Variants in CDH13 observed in about 807,000 individuals in gnomAD.
CDH13 encodes cadherin-13.
CDH13 carries 24 observed loss-of-function variants against 63.8 expected under a neutral mutation model. The observed-to-expected ratio is 0.38, with a 90% CI of 0.27 to 0.53. CDH13 has a LOEUF of 0.53. Among genes scored for constraint, CDH13 ranks in the 20% least tolerant of loss-of-function variants. The pLI is 0.85. For synonymous variants in CDH13, 503 were observed against 355.3 expected (o/e 1.42, Z -4.67); for missense variants, 1,049 against 903.1 (o/e 1.16, Z -2.07).
chr16:82,732,998 T>C (rs2033480787), intron 1 of CDH13, among the ~76,000 whole-genome samples: 1 of 152,232 alleles, frequency 6.6e-6, no homozygotes. Context: ...CATTTGTTTT[T>C]CTGCTTTCTC....
chr16:83,180,452 C>T (rs762074866), intron 4 of CDH13, among the ~76,000 whole-genome samples: 3 of 152,038 alleles, frequency 2.0e-5, no homozygotes, highest in Non-Finnish European at 4.4e-5. Context: ...AGGAATGGAA[C>T]CAATTTAAAT....
At chr16:83,250,592 C>A (rs1905405574) in intron 5 of CDH13, among the ~76,000 whole-genome samples, 1 of 152,038 alleles carries the variant, frequency 6.6e-6, no homozygotes. Context: ...GTCGAGGGAA[C>A]AGTTTGGAGA....
intron 2 of CDH13, among the ~76,000 whole-genome samples, chr16:82,890,368 AT>A (rs2151220343): frequency 6.6e-6 from 1 of 152,288 alleles, no homozygotes; most frequent in South Asian, 2.1e-4. Flanking sequence ...ACTCACCACC[AT>A]CTCCAGCCTC....
chr16:83,241,957 GTA>G (rs1904495371), intron 5 of CDH13, among the ~76,000 whole-genome samples: 1 of 152,110 alleles, frequency 6.6e-6, no homozygotes, highest in African/African-American at 2.4e-5. Flanking sequence ...ACTAGCAGTT[GTA>G]TAGTTTTAGG....
intron 3 of CDH13, among the ~76,000 whole-genome samples, chr16:83,053,851 C>T (rs945371290): frequency 2.6e-5 from 4 of 152,104 alleles, no homozygotes; most frequent in Admixed American, 6.5e-5. Flanking sequence ...TTCGAGACCC[C>T]GACCGGGTAC....
At chr16:82,657,613 G>C (rs1458952955) in intron 1 of CDH13, among the ~76,000 whole-genome samples, 1 of 152,178 alleles carries the variant, frequency 6.6e-6, no homozygotes, top group Non-Finnish European at 1.5e-5. Context: ...TGGAGAAAGA[G>C]AGACTACTGT....
intron 4 of CDH13, among the ~76,000 whole-genome samples, chr16:83,152,658 A>G (rs1462818182): frequency 2.0e-5 from 3 of 152,234 alleles, no homozygotes; most frequent in African/African-American, 7.2e-5. Flanking sequence ...ATATGGGACT[A>G]TAGGCAAAAG....
chr16:83,348,186 T>C (rs1482823788), intron 6 of CDH13, among the ~76,000 whole-genome samples: 1 of 152,070 alleles, frequency 6.6e-6, no homozygotes, highest in Non-Finnish European at 1.5e-5. Context: ...AAAGACTCCA[T>C]CTAGGAAAAA....
At chr16:83,241,713 C>T (rs1235437004) in intron 5 of CDH13, among the ~76,000 whole-genome samples, 2 of 152,022 alleles carry the variant, frequency 1.3e-5, no homozygotes, top group African/African-American at 4.8e-5. Flanking sequence ...TGGGGAAGTT[C>T]TTTATATTTT....
intron 2 of CDH13, among the ~76,000 whole-genome samples, chr16:82,941,396 C>T (rs1195182660): frequency 6.6e-6 from 1 of 152,128 alleles, no homozygotes; most frequent in African/African-American, 2.4e-5. Flanking sequence ...TGGAATTTCA[C>T]GGGGGTGGGT....
chr16:83,216,545 TG>T (rs1028794616), intron 4 of CDH13, among the ~76,000 whole-genome samples: 11 of 141,296 alleles, frequency 7.8e-5, no homozygotes, highest in Non-Finnish European at 1.7e-4. Context: ...ATATATATAA[TG>T]GGGTTTAATA....
At chr16:83,788,111 A>G (rs1487651639) in intron 13 of CDH13, among the ~76,000 whole-genome samples, 1 of 152,222 alleles carries the variant, frequency 6.6e-6, no homozygotes, top group African/African-American at 2.4e-5. Flanking sequence ...GTGTACCCAG[A>G]AAGTAGACAA....
chr16:82,816,698 A>G (rs1359464174), intron 1 of CDH13, among the ~76,000 whole-genome samples: 2 of 144,934 alleles, frequency 1.4e-5, no homozygotes, highest in African/African-American at 5.0e-5. Context: ...AACTTCAAAA[A>G]CGAAGATGTG....
At chr16:83,133,906 C>G (rs1254322272) in intron 4 of CDH13, among the ~76,000 whole-genome samples, 1 of 152,196 alleles carries the variant, frequency 6.6e-6, no homozygotes, top group African/African-American at 2.4e-5. Context: ...AACTGTAATT[C>G]ATCAGATGCG....
intron 8 of CDH13, among the ~76,000 whole-genome samples, chr16:83,625,234 G>C (rs1253912180): frequency 6.6e-6 from 1 of 152,048 alleles, no homozygotes; most frequent in Non-Finnish European, 1.5e-5. Context: ...GTCTATGTGT[G>C]TGTGTGTGTA....
At chr16:83,724,068 A>C (rs1910042852) in intron 10 of CDH13, among the ~76,000 whole-genome samples, 1 of 151,450 alleles carries the variant, frequency 6.6e-6, no homozygotes, top group South Asian at 2.1e-4. Context: ...GTGAGTGATG[A>C]ATGCATGGGT....
At chr16:82,920,657 G>T (rs2042126267) in intron 2 of CDH13, among the ~76,000 whole-genome samples, 1 of 152,142 alleles carries the variant, frequency 6.6e-6, no homozygotes, top group African/African-American at 2.4e-5. Flanking sequence ...GAGACTATCA[G>T]GGGTATTAGG....
chr16:83,693,672 T>C (rs1023500722), intron 10 of CDH13, among the ~76,000 whole-genome samples: 11 of 152,208 alleles, frequency 7.2e-5, no homozygotes, highest in African/African-American at 2.4e-4. Context: ...CTATTAAATG[T>C]AGGAGTTGAA....
At chr16:83,260,106 A>G (rs1194923980) in intron 5 of CDH13, among the ~76,000 whole-genome samples, 2 of 133,252 alleles carry the variant, frequency 1.5e-5, no homozygotes, top group African/African-American at 3.1e-5. Context: ...ATACACACAC[A>G]CACACACACA....
Sources: gnomAD v4.1 joint callset for allele counts (sites outside exome capture counted in the v4.1 genomes callset) on GRCh38, gnomAD v4.1.1 for gene constraint, MANE v1.5 for transcripts, NCBI Gene and HGNC (gene_info 2026-07-23, HGNC 2026-07-21) for gene names.